Variants in KHSRP observed in about 807,000 individuals in gnomAD.
KHSRP encodes the protein far upstream element-binding protein 2.
In KHSRP, 13 loss-of-function variants were observed where a neutral mutation model predicts 94.9. The ratio of observed to expected loss-of-function variants is 0.14; its 90% CI spans 0.09 to 0.22. The LOEUF (loss-of-function observed/expected upper bound fraction) is 0.22. Ranked by LOEUF, KHSRP falls within the 10% of genes least tolerant of loss-of-function variation. The pLI, the probability that KHSRP is intolerant of heterozygous loss-of-function variation, is 1.00. For synonymous variants in KHSRP, 495 were observed against 401.4 expected (o/e 1.23, Z -2.79); for missense variants, 710 against 1,010.0 (o/e 0.70, Z 4.03).
In KHSRP at chr19:6,414,584, G is replaced by A. The variant is rs1377527792; in HGVS notation, c.*440C>T. ...AGCGCATGGGAGGCTGAGCCCGGCG[G>A]GGCAGGGGCCTGGGCCGCTCCCCGC... On this transcript the variant is annotated 3_prime_UTR_variant, in exon 19 of 19. Coordinates refer to ENST00000600480, the MANE Select transcript of KHSRP (RefSeq NM_001366299.1). 3.0e-6 allele frequency: 3 copies of A among 1,016,508 alleles called. No individual in the cohort carries two copies. In the East Asian group the frequency reaches 3.0e-4, roughly 102 times the overall value. 63.0% of individuals were successfully genotyped at this position (1,016,508 alleles called of 1,614,324 possible).
At chr19:6,419,401 A>C in intron 6 of KHSRP, 141 bp from the exon 7 acceptor site, 1 of 694,252 alleles carries the variant, frequency 1.4e-6, no homozygotes, top group Non-Finnish European at 2.3e-6. Context: ...ACTTCCCCTA[A>C]ACACCTGGGA....
intron 1 of KHSRP, 36 bp from the exon 2 acceptor site, chr19:6,422,472 C>G (rs2145124800): frequency 1.3e-6 from 2 of 1,488,202 alleles, no homozygotes; most frequent in Middle Eastern, 1.7e-4. Context: ...GAATTACCAC[C>G]AAAAACAACC....
intron 1 of KHSRP, 146 bp from the exon 2 acceptor site, chr19:6,422,582 T>C (rs1417229427): frequency 3.2e-6 from 2 of 619,470 alleles, no homozygotes; most frequent in East Asian, 5.5e-5. Context: ...AGTCAGTTGG[T>C]TAAGACATCC....
chr19:6,420,812 C>T (rs904505015), intron 4 of KHSRP, among the ~76,000 whole-genome samples: 1 of 152,184 alleles, frequency 6.6e-6, no homozygotes, highest in African/African-American at 2.4e-5. Flanking sequence ...CCATTAAAAA[C>T]AAACAAACAA....
chr19:6,421,765 T>G (rs2092196340), intron 2 of KHSRP, 77 bp from the exon 3 acceptor site: 1 of 1,548,160 alleles, frequency 6.5e-7, no homozygotes, highest in Non-Finnish European at 8.9e-7. Flanking sequence ...GTGCCACATG[T>G]CCAAGGTAAA....
At position 6,424,621 on chromosome 19, in the gene KHSRP, C is replaced by T. The variant is rs1599248671; in HGVS notation, c.81G>A (p.Gly27=). 1.0e-6 allele frequency: 1 copy of T among 974,616 alleles called. No individual in the cohort carries two copies. Among genetic ancestry groups the T allele is most frequent in the African/African-American group, 1.8e-5 (1 of 55,858 alleles). The allele number at this position is 974,616 out of a possible 1,614,324, so 60.4% of individuals were successfully genotyped here. Reference sequence around the variant, plus strand: ...CTGGCGGGCCCGGCGGAGGGCCTCCCCCGGCGCCTCCGGCTCCCCCGCCCC... The same window carrying T: ...CTGGCGGGCCCGGCGGAGGGCCTCCTCCGGCGCCTCCGGCTCCCCCGCCCC... ...AGGGGGAGGA[G]GGPPPGPPGA... Residue 27 remains glycine, a synonymous_variant, in exon 1 of 19, where the codon GGG becomes GGA. Transcript: ENST00000600480.
chr19:6,419,607 C>G (rs1163215635), intron 6 of KHSRP, among the ~76,000 whole-genome samples: 1 of 152,186 alleles, frequency 6.6e-6, no homozygotes, highest in Non-Finnish European at 1.5e-5. Flanking sequence ...AACCCCCTAC[C>G]CAGCAGGCTT....
chr19:6,414,797 G>T lies in KHSRP; in HGVS notation c.*227C>A. The T allele has an allele frequency of 8.6e-7, 1 of 1,163,878 alleles. No homozygotes were observed. Among genetic ancestry groups the T allele is most frequent in the Non-Finnish European group, 1.1e-6 (1 of 943,344 alleles). The allele number at this position is 1,163,878 out of a possible 1,614,324, so 72.1% of individuals were successfully genotyped here. A position where few individuals can be genotyped will look rare whatever the true frequency, so the allele number is the denominator to read the frequency against. The stretch of plus-strand genomic sequence containing the variant: ...ATTGTGAGCGAGGTGGTGGCGGCCG[G>T]GCCGGTGCCCACCGTCCGCGCTGTC... On this transcript the variant is annotated 3_prime_UTR_variant, in exon 19 of 19. Transcript: ENST00000600480.
intron 4 of KHSRP, 129 bp from the exon 5 acceptor site, chr19:6,420,600 G>A (rs1346671343): frequency 3.7e-6 from 3 of 817,002 alleles, no homozygotes; most frequent in Non-Finnish European, 6.2e-6. Flanking sequence ...CCACAAAACT[G>A]CCAAGGCCTC....
intron 11 of KHSRP, among the ~76,000 whole-genome samples, chr19:6,417,400 A>C (rs1436874711): frequency 6.6e-6 from 1 of 152,218 alleles, no homozygotes; most frequent in Non-Finnish European, 1.5e-5. Flanking sequence ...GGCAGCTCAG[A>C]GACTGCCTGA....
intron 1 of KHSRP, among the ~76,000 whole-genome samples, chr19:6,423,510 C>T (rs1044252725): frequency 1.3e-5 from 2 of 152,258 alleles, no homozygotes; most frequent in East Asian, 1.9e-4. Context: ...CACCAACTGA[C>T]AGCACCAGCT....
rs182410879 is a variant in KHSRP, at chr19:6,419,053, G to A, written c.605+150C>T. ...GTTCCCCAGGTCTTGGGCTGCCGGG[G>A]AATCAGCCTCATGTTAACATGGCTG... On this transcript the variant is annotated intron_variant, in intron 7 of 18. Transcript: ENST00000600480. 6 of 1,073,280 alleles carry A rather than the reference G, an allele frequency of 5.6e-6. No individual in the cohort carries two copies. In the East Asian group the frequency reaches 1.3e-4, roughly 23 times the overall value. The allele number at this position is 1,073,280 out of a possible 1,614,324, so 66.5% of individuals were successfully genotyped here. A position where few individuals can be genotyped will look rare whatever the true frequency, so the allele number is the denominator to read the frequency against.
In KHSRP at chr19:6,421,238, CAACA is replaced by C. The variant is rs1450930395; in HGVS notation, c.425+36_425+39del. ...TCAGCAGAAAGGCCAGTCTGCTGGC[CAACA>C]GACAAGAAAGCAGTGTGGGCCCCAC... On this transcript the variant is annotated intron_variant, in intron 4 of 18. Transcript: ENST00000600480. 9.6e-6 allele frequency: 15 copies of C among 1,561,458 alleles called. No homozygotes were observed. The East Asian group carries it at 3.6e-4, about 37-fold the overall frequency.
chr19:6,418,663 A>G lies in KHSRP; in HGVS notation c.780+39T>C. The G allele has an allele frequency of 6.2e-7, 1 of 1,613,746 alleles. No individual in the cohort carries two copies. On this transcript the variant is annotated intron_variant, in intron 8 of 18. Coordinates refer to ENST00000600480, the MANE Select transcript of KHSRP (RefSeq NM_001366299.1). This position sits in a 1 kb window ranked among gnomAD's most constrained non-coding sequence, Gnocchi z 4.3. ...TGTGGTGGTGGCGGTGGGGTGTGGC[A>G]CACGGATGCAGAGGAAGCTGCCCAG...
intron 7 of KHSRP, 114 bp downstream of exon 7, chr19:6,419,089 G>C (rs1374264749): frequency 3.4e-6 from 4 of 1,189,192 alleles, no homozygotes; most frequent in East Asian, 2.6e-5. Context: ...TCTGGAGATG[G>C]GGGCAAGAAT....
rs1404077721 is a variant in KHSRP at position 6,415,656 on chromosome 19, C to G, written c.1766G>C (p.Gly589Ala). ...YYSHYYQQPPGPVPGPAPAPA... is the reference protein window; with the variant it reads ...YYSHYYQQPPAPVPGPAPAPA... ...GGCCGGTGCGGGGCCGGGGACGGGG[C>G]CCGGGGGCTGCTGGTAGTAGTGTGA... The change falls in exon 17 of 19, where the codon GGC becomes GCC. Residue 589 changes from glycine to alanine, a missense_variant. This residue lies in a region of KHSRP where 292 missense variants were observed against 340.5 expected (regional missense o/e 0.86). Transcript: ENST00000600480. 1.9e-6 allele frequency: 3 copies of G among 1,540,044 alleles called. No homozygotes were observed. The highest frequency in any genetic ancestry group is 2.6e-6 in the Non-Finnish European group (3 of 1,144,304).
intron 2 of KHSRP, among the ~76,000 whole-genome samples, chr19:6,421,969 T>TC (rs1313748577): frequency 6.6e-6 from 1 of 152,102 alleles, no homozygotes; most frequent in Non-Finnish European, 1.5e-5. Flanking sequence ...AGGGAGGGTG[T>TC]CGTGGATAAC....
intron 4 of KHSRP, among the ~76,000 whole-genome samples, chr19:6,420,682 T>G (rs558902951): frequency 3.7e-4 from 57 of 152,396 alleles, no homozygotes; most frequent in African/African-American, 1.3e-3. Context: ...GTCCCATTGA[T>G]TCAGGGCGAG....
rs565316158 is a variant in KHSRP at position 6,413,931 on chromosome 19, G to C, written c.*1093C>G. ...GAAAAAGCATGTGAGACACAGAACA[G>C]GCGAGAGAGTGAGGGCCCGGCATGC... is the stretch of plus-strand genomic sequence containing the variant. On this transcript the variant is annotated 3_prime_UTR_variant, in exon 19 of 19. Transcript: ENST00000600480. 2 of 709,018 alleles carry C rather than the reference G, an allele frequency of 2.8e-6. No homozygotes were observed. Among genetic ancestry groups the C allele is most frequent in the African/African-American group, 3.6e-5 (2 of 55,236 alleles). The allele number at this position is 709,018 out of a possible 1,614,324, so 43.9% of individuals were successfully genotyped here. A position where few individuals can be genotyped will look rare whatever the true frequency, so the allele number is the denominator to read the frequency against.
Sources: allele counts gnomAD v4.1 joint callset (sites outside exome capture counted in the v4.1 genomes callset), GRCh38; gene constraint gnomAD v4.1.1; regional missense constraint gnomAD v4.1.1; non-coding constraint Gnocchi (gnomAD v3.1); transcripts MANE v1.5; gene names NCBI Gene and HGNC (gene_info 2026-07-23, HGNC 2026-07-21).